FRAS1: variants seen among roughly 807,000 people sequenced by gnomAD.
FRAS1 encodes Fraser extracellular matrix complex subunit 1, also known as extracellular matrix organizing protein FRAS1.
Under a neutral mutation model 435.2 loss-of-function variants are expected in FRAS1, and 290 were observed. That is an observed-to-expected ratio of 0.67 (90% CI 0.61 to 0.73). The LOEUF (loss-of-function observed/expected upper bound fraction) is 0.73, where lower values mean the gene tolerates loss of function less well. Ranked by LOEUF, FRAS1 falls within the 30% of genes least tolerant of loss-of-function variation. FRAS1 has a pLI of 0.00. For missense variants in FRAS1, 4,860 were observed against 5,001.5 expected (o/e 0.97, Z 0.85); for synonymous variants, 1,800 against 1,851.0 (o/e 0.97, Z 0.71).
chr4:78,342,857 T>G (rs901316193), intron 20 of FRAS1, among the ~76,000 whole-genome samples: 1 of 152,204 alleles, frequency 6.6e-6, no homozygotes, highest in Non-Finnish European at 1.5e-5. Flanking sequence ...AAAATAGTTT[T>G]TTTTGGGTAG....
chr4:78,448,117 C>A lies in FRAS1; in HGVS notation c.6075C>A (p.Gly2025=). The A allele has an allele frequency of 6.2e-7, 1 of 1,613,632 alleles. No individual in the cohort carries two copies. The highest frequency in any genetic ancestry group is 1.7e-5 in the Admixed American group (1 of 59,954). Residue 2025 remains glycine (G), a synonymous_variant, in exon 44 of 74, where the codon GGC becomes GGA. Transcript: ENST00000512123. Reference sequence around the variant, plus strand: ...AGAATGGGAGAGTTTTAGTCCAGGGCTCAACCTTCACCTACCAGGATATCC... The same window carrying A: ...AGAATGGGAGAGTTTTAGTCCAGGGATCAACCTTCACCTACCAGGATATCC... ...PLENGRVLVQ[G]STFTYQDILA...
intron 28 of FRAS1, among the ~76,000 whole-genome samples, chr4:78,385,084 T>A (rs774930142): frequency 6.6e-6 from 1 of 152,124 alleles, no homozygotes; most frequent in Non-Finnish European, 1.5e-5. Context: ...GAAGTCATGG[T>A]AGATGCTATA....
intron 38 of FRAS1, among the ~76,000 whole-genome samples, chr4:78,436,123 AT>A (rs1734417734): frequency 1.3e-5 from 2 of 152,224 alleles, no homozygotes; most frequent in Admixed American, 6.5e-5. Flanking sequence ...TTTGCAAAAA[AT>A]ATAACCAAAA....
At chr4:78,173,754 G>A (rs542145647) in intron 2 of FRAS1, among the ~76,000 whole-genome samples, 6 of 152,132 alleles carry the variant, frequency 3.9e-5, no homozygotes, top group Non-Finnish European at 7.3e-5. Context: ...CTTAACAGGC[G>A]GCACTATGTG....
At chr4:78,504,402 C>T (rs1373675777) in intron 61 of FRAS1, among the ~76,000 whole-genome samples, 1 of 152,156 alleles carries the variant, frequency 6.6e-6, no homozygotes, top group Non-Finnish European at 1.5e-5. Context: ...TCTGGATGCT[C>T]CTGTATTGGG....
chr4:78,507,689 T>G, intron 62 of FRAS1, 81 bp downstream of exon 62: 1 of 1,340,850 alleles, frequency 7.5e-7, no homozygotes, highest in Non-Finnish European at 1.0e-6. Context: ...ACTCTATTTC[T>G]TTATTCTTCT....
intron 13 of FRAS1, among the ~76,000 whole-genome samples, chr4:78,285,354 C>T (rs572959361): frequency 6.1e-5 from 9 of 147,510 alleles, no homozygotes; most frequent in East Asian, 6.0e-4. Context: ...AGTGAGACTC[C>T]GTCTCAAAAA....
At chr4:78,103,523 G>C (rs1267366392) in intron 2 of FRAS1, among the ~76,000 whole-genome samples, 1 of 152,124 alleles carries the variant, frequency 6.6e-6, no homozygotes, top group Non-Finnish European at 1.5e-5. Context: ...ATGTATTATA[G>C]TTTGCTATGG....
rs914606174 is a variant in FRAS1, at chr4:78,065,072, A to T, written c.77-913A>T. Among the ~76,000 whole-genome samples the T allele has an allele frequency of 2.2e-5, 3 of 133,514 alleles. No homozygotes were observed. In the East Asian group the frequency reaches 6.6e-4, roughly 30 times the overall value. 87.6% of individuals were successfully genotyped at this position (133,514 alleles called of 152,430 possible). ...AGTTTTATAGTGTATATATATATAT[A>T]TATATATATATACATACACACACAC... On this transcript the variant is annotated intron_variant, in intron 1 of 73. Transcript: ENST00000512123.
intron 41 of FRAS1, among the ~76,000 whole-genome samples, chr4:78,441,964 C>T (rs1472631510): frequency 1.3e-5 from 2 of 152,210 alleles, no homozygotes; most frequent in East Asian, 1.9e-4. Flanking sequence ...CTGTGACTGG[C>T]AATTGAGACA....
intron 30 of FRAS1, among the ~76,000 whole-genome samples, chr4:78,405,002 G>C (rs1733045955): frequency 6.6e-6 from 1 of 152,136 alleles, no homozygotes; most frequent in Admixed American, 6.5e-5. Flanking sequence ...AGCTGCATGT[G>C]GCCTAGCTTT....
At chr4:78,113,767 G>A (rs143046567) in intron 2 of FRAS1, among the ~76,000 whole-genome samples, 4,032 of 151,890 alleles carry the variant, frequency 0.027, 173 homozygotes, top group African/African-American at 0.089. Flanking sequence ...ATTTTCTCCC[G>A]TTCTGTAGGT....
intron 2 of FRAS1, among the ~76,000 whole-genome samples, chr4:78,087,797 C>G (rs1475874434): frequency 6.6e-6 from 1 of 152,182 alleles, no homozygotes; most frequent in African/African-American, 2.4e-5. Flanking sequence ...AATGGAAGAA[C>G]ATTCCATGCT....
At chr4:78,071,947 T>C (rs1424572876) in intron 2 of FRAS1, 1 of 152,168 alleles carries the variant, frequency 6.6e-6, no homozygotes, top group Non-Finnish European at 1.5e-5. Context: ...CTGTTTTTGT[T>C]TGTTTATATA....
At chr4:78,225,518 A>G (rs1166527909) in intron 2 of FRAS1, among the ~76,000 whole-genome samples, 2 of 152,014 alleles carry the variant, frequency 1.3e-5, no homozygotes, top group African/African-American at 4.8e-5. Flanking sequence ...TTCCCTCTCT[A>G]ATTATTTATT....
intron 3 of FRAS1, among the ~76,000 whole-genome samples, chr4:78,244,208 T>G (rs1437695410): frequency 6.6e-6 from 1 of 152,066 alleles, no homozygotes; most frequent in Non-Finnish European, 1.5e-5. Flanking sequence ...AGGTACAATT[T>G]TTTTAAAAAT....
intron 71 of FRAS1, among the ~76,000 whole-genome samples, chr4:78,535,032 A>C (rs11098224): frequency 6.6e-6 from 1 of 151,828 alleles, no homozygotes; most frequent in Non-Finnish European, 1.5e-5. Context: ...TCACTTCTCT[A>C]TCCGTTTACC....
intron 9 of FRAS1, among the ~76,000 whole-genome samples, chr4:78,269,052 A>C (rs12502886): frequency 0.34 from 51,510 of 152,130 alleles, 9,089 homozygotes; most frequent in South Asian, 0.59. Context: ...TAGAAACTCT[A>C]CCAGAATTGA....
At chr4:78,462,033 GA>G (rs1232233236) in intron 47 of FRAS1, among the ~76,000 whole-genome samples, 1 of 152,172 alleles carries the variant, frequency 6.6e-6, no homozygotes, top group Non-Finnish European at 1.5e-5. Flanking sequence ...TCACTATTTT[GA>G]ATGAGGTGAT....
Sources: allele counts gnomAD v4.1 joint callset (sites outside exome capture counted in the v4.1 genomes callset), GRCh38; gene constraint gnomAD v4.1.1; transcripts MANE v1.5; gene names NCBI Gene and HGNC (gene_info 2026-07-23, HGNC 2026-07-21).